Variants in SGIP1 observed in about 807,000 individuals in gnomAD.
The protein encoded by SGIP1 is SH3GL interacting endocytic adaptor 1.
Under a neutral mutation model 107.5 loss-of-function variants are expected in SGIP1, and 38 were observed. The observed-to-expected ratio is 0.35, with a 90% CI of 0.27 to 0.46. The LOEUF is 0.46. SGIP1 is among the 20% of genes least tolerant of loss of function. The pLI is 1.00. For synonymous variants in SGIP1, 365 were observed against 366.1 expected, an observed-to-expected ratio of 1.00 and a Z score of 0.03; for missense variants, 929 against 1,019.5, an observed-to-expected ratio of 0.91 and a Z score of 1.21.
intron 7 of SGIP1, chr1:66,659,983 A>ACAGGAAGGAAGG (rs2080681009): frequency 1.1e-5 from 1 of 90,596 alleles, no homozygotes; most frequent in Non-Finnish European, 1.8e-5. Context: ...AGAAAGAAAG[A>ACAGGAAGGAAGG]AAGAAAGAAA....
chr1:66,725,899 C>T (rs2093731267), intron 19 of SGIP1, among the ~76,000 whole-genome samples: 1 of 152,188 alleles, frequency 6.6e-6, no homozygotes, highest in Admixed American at 6.5e-5. Flanking sequence ...CGCCACCATG[C>T]ACTGCAGAAG....
intron 1 of SGIP1, among the ~76,000 whole-genome samples, chr1:66,580,086 C>T (rs1020957681): frequency 6.6e-6 from 1 of 152,006 alleles, no homozygotes; most frequent in African/African-American, 2.4e-5. Context: ...CATTTTAGCC[C>T]CATTTCTATG....
At chr1:66,714,473 C>G (rs2093114323) in intron 18 of SGIP1, among the ~76,000 whole-genome samples, 1 of 152,078 alleles carries the variant, frequency 6.6e-6, no homozygotes. Context: ...TTCCATATGT[C>G]TTTTTTCCTG....
chr1:66,733,735 C>A lies in SGIP1; in HGVS notation c.1899-13C>A. ...AAGATGCTACTCAATCATTTTTCTT[C>A]CCAAATGAACAGTGATAATACACAA... is the stretch of plus-strand genomic sequence containing the variant. On this transcript the variant is annotated splice_polypyrimidine_tract_variant and intron_variant, in intron 20 of 24. Coordinates refer to ENST00000371037, the MANE Select transcript of SGIP1 (RefSeq NM_032291.4). 6.2e-7 allele frequency: 1 copy of A among 1,602,094 alleles called. No homozygotes were observed. Among genetic ancestry groups the A allele is most frequent in the Non-Finnish European group, 8.5e-7 (1 of 1,174,414 alleles).
intron 1 of SGIP1, among the ~76,000 whole-genome samples, chr1:66,597,161 A>G (rs2064867398): frequency 6.6e-6 from 1 of 152,204 alleles, no homozygotes; most frequent in Non-Finnish European, 1.5e-5. Flanking sequence ...TCAACCAGGT[A>G]CTAAGCCTAG....
At chr1:66,621,148 T>C (rs1054944151) in intron 1 of SGIP1, among the ~76,000 whole-genome samples, 8 of 152,176 alleles carry the variant, frequency 5.3e-5, no homozygotes, top group Admixed American at 5.2e-4. Flanking sequence ...TTTGCAAACT[T>C]CTGATACATG....
intron 1 of SGIP1, among the ~76,000 whole-genome samples, chr1:66,578,049 T>C (rs898615044): frequency 1.3e-5 from 2 of 152,232 alleles, no homozygotes; most frequent in African/African-American, 4.8e-5. Context: ...TTAAAAAATT[T>C]ACCTCTTGCA....
chr1:66,650,509 G>A (rs1232349660), intron 7 of SGIP1, among the ~76,000 whole-genome samples: 1 of 152,108 alleles, frequency 6.6e-6, no homozygotes, highest in African/African-American at 2.4e-5. Context: ...TCAAACGCTT[G>A]CCTGTCTTCA....
intron 21 of SGIP1, among the ~76,000 whole-genome samples, 196 bp from the exon 22 acceptor site, chr1:66,739,139 C>T (rs903885291): frequency 2.6e-5 from 4 of 152,050 alleles, no homozygotes; most frequent in Non-Finnish European, 4.4e-5. Flanking sequence ...AAAGTGCCAC[C>T]GAGACTCTAA....
intron 18 of SGIP1, among the ~76,000 whole-genome samples, chr1:66,703,678 T>A (rs1442053637): frequency 6.6e-6 from 1 of 151,240 alleles, no homozygotes; most frequent in African/African-American, 2.4e-5. Flanking sequence ...ATATTGTATA[T>A]CAGCTATATC....
rs947628819 is a variant in SGIP1, at chr1:66,746,451, A to G, written c.*3356A>G. On this transcript the variant is annotated 3_prime_UTR_variant, in exon 25 of 25. Transcript: ENST00000371037. The stretch of plus-strand genomic sequence containing the variant: ...ACAATGATCTATCATGTGTCTTCCA[A>G]CTCTGAAGTTCCACAGTTGTAATTT... 4 of 152,070 alleles carry G rather than the reference A, an allele frequency of 2.6e-5. No homozygotes were observed. The highest frequency in any genetic ancestry group is 9.7e-5 in the African/African-American group (4 of 41,426). The allele number at this position is 152,070 out of a possible 1,614,324, so 9.4% of individuals were successfully genotyped here.
chr1:66,648,829 C>T (rs2078160728), intron 7 of SGIP1, among the ~76,000 whole-genome samples: 2 of 152,130 alleles, frequency 1.3e-5, no homozygotes, highest in African/African-American at 4.8e-5. Context: ...TTGTCCTGGG[C>T]CCCAGCCCAG....
At chr1:66,741,787 A>G (rs1227535090) in intron 24 of SGIP1, among the ~76,000 whole-genome samples, 1 of 149,716 alleles carries the variant, frequency 6.7e-6, no homozygotes, top group Non-Finnish European at 1.5e-5. Flanking sequence ...TTTTTTGGTG[A>G]GACGGAGTCT....
chr1:66,707,060 A>G (rs745741459), intron 18 of SGIP1, among the ~76,000 whole-genome samples: 1 of 152,098 alleles, frequency 6.6e-6, no homozygotes, highest in Non-Finnish European at 1.5e-5. Context: ...AAAATTCTTG[A>G]TGAAACCCTG....
chr1:66,702,827 G>C (rs1309934436), intron 18 of SGIP1, among the ~76,000 whole-genome samples: 1 of 152,166 alleles, frequency 6.6e-6, no homozygotes, highest in African/African-American at 2.4e-5. Flanking sequence ...GGCAACATTT[G>C]CTTTGCTCAA....
chr1:66,649,785 G>A (rs973421661), intron 7 of SGIP1, among the ~76,000 whole-genome samples: 2 of 152,012 alleles, frequency 1.3e-5, no homozygotes, highest in African/African-American at 4.8e-5. Context: ...ACATACAATT[G>A]AATTGAATTG....
At chr1:66,567,149 C>T (rs914466922) in intron 1 of SGIP1, among the ~76,000 whole-genome samples, 26 of 151,826 alleles carry the variant, frequency 1.7e-4, no homozygotes, top group African/African-American at 5.1e-4. Flanking sequence ...TCCTATTTCT[C>T]CACAGCCTCT....
intron 19 of SGIP1, 90 bp downstream of exon 19, chr1:66,719,495 TA>T (rs1239548467): frequency 5.8e-5 from 54 of 931,828 alleles, no homozygotes; most frequent in Non-Finnish European, 8.2e-5. Flanking sequence ...TTTTTTCTTT[TA>T]AAAAGCAAAA....
chr1:66,635,400 A>G (rs987592946), intron 3 of SGIP1, among the ~76,000 whole-genome samples: 2 of 152,196 alleles, frequency 1.3e-5, no homozygotes, highest in African/African-American at 4.8e-5. Context: ...CCCTCCACAC[A>G]TAGACTTGGA....
Sources: gnomAD v4.1 joint callset for allele counts (sites outside exome capture counted in the v4.1 genomes callset) on GRCh38, gnomAD v4.1.1 for gene constraint, MANE v1.5 for transcripts, NCBI Gene and HGNC (gene_info 2026-07-23, HGNC 2026-07-21) for gene names.